Variants in MGLL observed in about 807,000 individuals in gnomAD.
MGLL encodes monoglyceride lipase, also known as lysophospholipase homolog.
In MGLL, 7 loss-of-function variants were observed where a neutral mutation model predicts 29.1. The ratio of observed to expected loss-of-function variants is 0.24; its 90% CI spans 0.14 to 0.45. MGLL has a LOEUF of 0.45. MGLL is among the 20% of genes least tolerant of loss of function. MGLL has a pLI of 0.99. For missense variants in MGLL, 356 were observed against 413.6 expected (o/e 0.86, Z 1.21); for synonymous variants, 148 against 168.3 (o/e 0.88, Z 0.93).
intron 3 of MGLL, among the ~76,000 whole-genome samples, chr3:127,728,160 T>C (rs994844116): frequency 1.3e-5 from 2 of 152,202 alleles, no homozygotes; most frequent in Non-Finnish European, 2.9e-5. Context: ...CAGTCAGAAA[T>C]ATATTAAAAA....
intron 4 of MGLL, 88 bp downstream of exon 4, chr3:127,722,341 TG>T: frequency 1.3e-6 from 2 of 1,553,222 alleles, no homozygotes; most frequent in Non-Finnish European, 1.8e-6. Context: ...CAGAGAGCAG[TG>T]GGGGGCAGGA....
chr3:127,817,598 G>A (rs958911426), intron 2 of MGLL, among the ~76,000 whole-genome samples: 4 of 152,196 alleles, frequency 2.6e-5, no homozygotes, highest in African/African-American at 9.7e-5. Context: ...TGCCTGGCAG[G>A]GGTCAGAGTT....
intron 2 of MGLL, among the ~76,000 whole-genome samples, chr3:127,800,203 G>A (rs1356902466): frequency 6.6e-6 from 1 of 152,194 alleles, no homozygotes; most frequent in African/African-American, 2.4e-5. Context: ...AAGGAACCTA[G>A]GTCCCTGAAT....
chr3:127,689,854 G>C lies in MGLL; in HGVS notation c.*2344C>G, dbSNP rs1374944013. On this transcript the variant is annotated 3_prime_UTR_variant, in exon 8 of 8. Transcript: ENST00000265052. Reference sequence around the variant, plus strand: ...CCTGACCCAGCAGGGGGACATGGTGGGCGGATGTACCAGCCCTTCTGGATA... The same window carrying C: ...CCTGACCCAGCAGGGGGACATGGTGCGCGGATGTACCAGCCCTTCTGGATA... 3 of 152,234 alleles carry C rather than the reference G, an allele frequency of 2.0e-5. No homozygotes were observed. The highest frequency in any genetic ancestry group is 4.4e-5 in the Non-Finnish European group (3 of 68,042). 9.4% of individuals were successfully genotyped at this position (152,234 alleles called of 1,614,324 possible). A position where few individuals can be genotyped will look rare whatever the true frequency, so the allele number is the denominator to read the frequency against.
At chr3:127,786,018 T>A (rs140273226) in intron 2 of MGLL, among the ~76,000 whole-genome samples, 97 of 152,294 alleles carry the variant, frequency 6.4e-4, no homozygotes, top group African/African-American at 2.3e-3. Flanking sequence ...CAGGTGTGCC[T>A]ACTCCAGGCG....
At chr3:127,763,508 C>T (rs1576564253) in intron 3 of MGLL, among the ~76,000 whole-genome samples, 1 of 152,222 alleles carries the variant, frequency 6.6e-6, no homozygotes, top group Non-Finnish European at 1.5e-5. Context: ...CACAGTGTGG[C>T]TTCTGCTTGC....
At chr3:127,745,816 G>T (rs1358590412) in intron 3 of MGLL, among the ~76,000 whole-genome samples, 1 of 152,170 alleles carries the variant, frequency 6.6e-6, no homozygotes, top group Non-Finnish European at 1.5e-5. Flanking sequence ...CCCTGAAAGA[G>T]TCCCAGCCCC....
chr3:127,725,428 A>G (rs570268125), intron 3 of MGLL, among the ~76,000 whole-genome samples: 1 of 152,158 alleles, frequency 6.6e-6, no homozygotes, highest in Non-Finnish European at 1.5e-5. Context: ...CATCCACCCG[A>G]TTCCCTATCT....
chr3:127,753,962 A>ACTTC (rs1182817793), intron 3 of MGLL, among the ~76,000 whole-genome samples: 1 of 152,190 alleles, frequency 6.6e-6, no homozygotes, highest in Non-Finnish European at 1.5e-5. Flanking sequence ...CTCAGGGGTC[A>ACTTC]CTTCCTCCCA....
At position 127,703,789 on chromosome 3, in the gene MGLL, C is replaced by T. The variant is rs141561786; in HGVS notation, c.600+6787G>A. Among the ~76,000 whole-genome samples, 10 of 152,242 alleles carry T rather than the reference C, an allele frequency of 6.6e-5. No individual in the cohort carries two copies. The East Asian group carries it at 1.2e-3, about 18-fold the overall frequency. On this transcript the variant is annotated intron_variant, in intron 6 of 7. Coordinates refer to ENST00000265052, the MANE Select transcript of MGLL (RefSeq NM_007283.7). ...CCCACAGAATAGGAGAAAATACTTG[C>T]GAATTATATTTGTATATGTGGTTAA...
At chr3:127,774,391 C>T (rs958427896) in intron 3 of MGLL, among the ~76,000 whole-genome samples, 1 of 152,244 alleles carries the variant, frequency 6.6e-6, no homozygotes, top group African/African-American at 2.4e-5. Context: ...CAGGACATAA[C>T]ACCTCTCCTT....
chr3:127,750,947 G>T (rs934978848), intron 3 of MGLL, among the ~76,000 whole-genome samples: 1 of 152,190 alleles, frequency 6.6e-6, no homozygotes, highest in African/African-American at 2.4e-5. Flanking sequence ...CAGGGGCAAG[G>T]CTGGCAGTTG....
intron 3 of MGLL, chr3:127,736,446 G>T (rs544493232): frequency 2.8e-6 from 2 of 719,808 alleles, no homozygotes; most frequent in Non-Finnish European, 3.4e-6. Context: ...GAGAGAACAC[G>T]TGAGAAATGG....
At chr3:127,721,001 C>T (rs1223759925) in intron 5 of MGLL, 52 bp downstream of exon 5, 1 of 1,484,378 alleles carries the variant, frequency 6.7e-7, no homozygotes, top group Non-Finnish European at 9.4e-7. Flanking sequence ...AAATGGAAGA[C>T]CCATGTCCCG....
At chr3:127,816,054 CAG>C (rs941343226) in intron 2 of MGLL, among the ~76,000 whole-genome samples, 6 of 152,210 alleles carry the variant, frequency 3.9e-5, no homozygotes, top group African/African-American at 1.2e-4. Flanking sequence ...CTCACCCCTG[CAG>C]AGACTGACAG....
intron 3 of MGLL, among the ~76,000 whole-genome samples, chr3:127,764,115 T>C (rs574233182): frequency 6.6e-6 from 1 of 152,276 alleles, no homozygotes; most frequent in African/African-American, 2.4e-5. Context: ...GTTGCCTGAA[T>C]ACCACCCCCA....
chr3:127,703,191 G>A (rs1267439243), intron 6 of MGLL, among the ~76,000 whole-genome samples: 1 of 152,190 alleles, frequency 6.6e-6, no homozygotes. Context: ...TTGGAATGGA[G>A]GGCCCTGGAA....
intron 2 of MGLL, among the ~76,000 whole-genome samples, chr3:127,783,462 G>A (rs531855362): frequency 5.9e-5 from 9 of 152,138 alleles, no homozygotes; most frequent in Non-Finnish European, 1.2e-4. Flanking sequence ...ACAACCTTCT[G>A]AGGACTGGAC....
Position 127,764,423 on chromosome 3 carries a change from T to A in MGLL, c.262+17366A>T, listed in dbSNP as rs116824762. Among the ~76,000 whole-genome samples the A allele has an allele frequency of 5.8e-3, 881 of 152,222 alleles. 8 individuals carry two copies. Among genetic ancestry groups the A allele is most frequent in the Non-Finnish European group, 9.4e-3 (639 of 68,012 alleles). ...AATGGGCGTACAGATATCAAGGCCA[T>A]ATACTTGTGGTGCAGAATAAAAGAG... On this transcript the variant is annotated intron_variant, in intron 3 of 7. Coordinates refer to ENST00000265052, the MANE Select transcript of MGLL (RefSeq NM_007283.7).
Sources: allele counts gnomAD v4.1 joint callset (sites outside exome capture counted in the v4.1 genomes callset), GRCh38; gene constraint gnomAD v4.1.1; transcripts MANE v1.5; gene names NCBI Gene and HGNC (gene_info 2026-07-23, HGNC 2026-07-21).